Variants in SAFB observed in about 807,000 individuals in gnomAD.
SAFB encodes the protein scaffold attachment factor B, also known as scaffold attachment factor B1.
In SAFB, 15 loss-of-function variants were observed where a neutral mutation model predicts 101.6. The ratio of observed to expected loss-of-function variants is 0.15; its 90% confidence interval spans 0.10 to 0.23. The LOEUF is 0.23. Ranked by LOEUF, SAFB falls within the 10% of genes least tolerant of loss-of-function variation. The pLI is 1.00. For missense variants in SAFB, 930 were observed against 1,104.1 expected, an observed-to-expected ratio of 0.84 and a Z score of 2.23; for synonymous variants, 449 against 407.5, an observed-to-expected ratio of 1.10 and a Z score of -1.23.
chr19:5,654,587 C>G (rs1366643676), intron 13 of SAFB, 131 bp downstream of exon 13: 2 of 696,824 alleles, frequency 2.9e-6, no homozygotes, highest in African/African-American at 1.8e-5. Flanking sequence ...GTAGAAATCT[C>G]AAACTATTTT....
chr19:5,629,933 T>G (rs2053452853), intron 2 of SAFB, among the ~76,000 whole-genome samples: 1 of 152,090 alleles, frequency 6.6e-6, no homozygotes, highest in Non-Finnish European at 1.5e-5. Context: ...TCCAAGCTAC[T>G]CAGGTGGCTA....
chr19:5,640,358 C>CTTTTTT (rs34358887), intron 2 of SAFB, among the ~76,000 whole-genome samples: 7 of 91,538 alleles, frequency 7.6e-5, no homozygotes, highest in Admixed American at 2.4e-4. Flanking sequence ...GAAAGATTGG[C>CTTTTTT]TTTTTTTTTT....
At chr19:5,655,478 A>C (rs2054037281) in intron 13 of SAFB, among the ~76,000 whole-genome samples, 1 of 151,558 alleles carries the variant, frequency 6.6e-6, no homozygotes, top group Non-Finnish European at 1.5e-5. Flanking sequence ...AAAAAAAAAA[A>C]AACACACACC....
rs761831306 is a variant in SAFB at position 5,641,776 on chromosome 19, A to G, written c.376A>G (p.Ile126Val). 1.9e-6 allele frequency: 3 copies of G among 1,614,160 alleles called. No individual in the cohort carries two copies. The highest frequency in any genetic ancestry group is 1.7e-5 in the Admixed American group (1 of 60,020). ...VETSLENLQD[I>V]DIMDISVLDE... The stretch of plus-strand genomic sequence containing the variant: ...GACCAGTCTGGAGAACTTGCAGGAC[A>G]TCGACATCATGGATATCAGTGTGTT... Residue 126 changes from isoleucine (I) to valine (V), a missense_variant, in exon 4 of 21, where the codon ATC becomes GTC. Transcript: ENST00000588852.
rs368773036 is a variant in SAFB, at chr19:5,637,716, T to C, written c.275-3878T>C. ...ACTGGGAAAGAGGCCTGGCAGGAAG[T>C]AGTTTTCCCAAAGTTGTGTGTTTGA... On this transcript the variant is annotated intron_variant, in intron 2 of 20. Coordinates refer to ENST00000588852, the MANE Select transcript of SAFB (RefSeq NM_001201338.2). Among the ~76,000 whole-genome samples, 4 of 152,156 alleles carry C rather than the reference T, an allele frequency of 2.6e-5. No individual in the cohort carries two copies. In the East Asian group the frequency reaches 5.8e-4, roughly 22 times the overall value.
chr19:5,628,549 C>T (rs567190206), intron 2 of SAFB, among the ~76,000 whole-genome samples: 2 of 152,250 alleles, frequency 1.3e-5, no homozygotes, highest in East Asian at 1.9e-4. Flanking sequence ...GGCAATATGT[C>T]AGTGCTCAGA....
chr19:5,632,207 G>T (rs916937611), intron 2 of SAFB, among the ~76,000 whole-genome samples: 7 of 152,126 alleles, frequency 4.6e-5, no homozygotes, highest in African/African-American at 1.7e-4. Context: ...CTTTGCTGCT[G>T]GCTTGTTTTG....
At chr19:5,648,137 C>G in intron 6 of SAFB, 94 bp downstream of exon 6, 1 of 1,067,712 alleles carries the variant, frequency 9.4e-7, no homozygotes, top group Admixed American at 2.1e-5. Flanking sequence ...TAAAAGTTAC[C>G]TTACTATAGT....
chr19:5,651,600 A>T (rs1359245614), intron 9 of SAFB, among the ~76,000 whole-genome samples: 1 of 152,118 alleles, frequency 6.6e-6, no homozygotes, highest in African/African-American at 2.4e-5. Flanking sequence ...TCTTGTCTGC[A>T]GCACCTGCCT....
Position 5,647,712 on chromosome 19 carries a change from A to T in SAFB, c.610-304A>T, listed in dbSNP as rs78933820. 9.9e-3 allele frequency among the ~76,000 whole-genome samples: 1,504 copies of T among 152,288 alleles called. 22 individuals are homozygous for T. Among genetic ancestry groups the T allele is most frequent in the African/African-American group, 0.035 (1,440 of 41,554 alleles). ...ATGCTAACAGTAGAAAAATGAAAACACTGCTCTCCTTGAATTTGAGAGTTC... is the reference window on the plus strand; with the variant it reads ...ATGCTAACAGTAGAAAAATGAAAACTCTGCTCTCCTTGAATTTGAGAGTTC... On this transcript the variant is annotated intron_variant, in intron 5 of 20. Coordinates refer to ENST00000588852, the MANE Select transcript of SAFB (RefSeq NM_001201338.2).
At chr19:5,648,811 G>A (rs1474833544) in intron 6 of SAFB, 178 bp from the exon 7 acceptor site, 12 of 632,092 alleles carry the variant, frequency 1.9e-5, no homozygotes, top group South Asian at 5.1e-5. Flanking sequence ...ACCTAGAGGC[G>A]GTCGCGGCGC....
At chr19:5,637,462 C>T (rs1172931892) in intron 2 of SAFB, among the ~76,000 whole-genome samples, 3 of 151,878 alleles carry the variant, frequency 2.0e-5, no homozygotes, top group African/African-American at 7.3e-5. Flanking sequence ...TCAAGACCAG[C>T]CTGGGCAACA....
rs757171827 is a variant in SAFB at position 5,641,594 on chromosome 19, G to A, written c.275G>A (p.Gly92Glu). 2 of 1,613,574 alleles carry A rather than the reference G, an allele frequency of 1.2e-6. No homozygotes were observed. The highest frequency in any genetic ancestry group is 3.3e-5 in the Admixed American group (2 of 59,920). Reference protein sequence around the residue: ...NKKTSKRSSKGRKPEEEGVED... With the variant: ...NKKTSKRSSKERKPEEEGVED... ...ATGCTGTAAATGATTCTGTCTTCAG[G>A]GCGCAAACCAGAAGAAGAGGGTGTG... The change falls in exon 3 of 21, where the codon GGG (glycine) becomes GAG (glutamate). Residue 92 changes from glycine to glutamate, a missense_variant and splice_region_variant. By Grantham distance (98) the Gly-to-Glu change is moderately conservative. This residue lies in a region of SAFB where 119 missense variants were observed against 171.4 expected (regional missense o/e 0.69). Transcript: ENST00000588852.
chr19:5,645,349 G>A lies in SAFB; in HGVS notation c.559G>A (p.Glu187Lys). The change falls in exon 5 of 21, where the codon GAA becomes AAA. Residue 187 changes from glutamate to lysine, a missense_variant. Glu to Lys is a moderately conservative substitution (Grantham distance 56). Transcript: ENST00000588852. The part of the protein sequence containing the change: ...QLQEHAIEDK[E>K]TINNLDTSSS... ...ATTTATTTTACAGATAGAGGACAAA[G>A]AAACTATAAACAATTTAGATACTTC... 1 of 1,310,298 alleles carries A rather than the reference G, an allele frequency of 7.6e-7. No individual in the cohort carries two copies. The highest frequency in any genetic ancestry group is 1.7e-5 in the Admixed American group (1 of 59,228). 81.2% of individuals were successfully genotyped at this position (1,310,298 alleles called of 1,614,324 possible). A position where few individuals can be genotyped will look rare whatever the true frequency, so the allele number is the denominator to read the frequency against.
chr19:5,630,143 C>CT (rs1332609912), intron 2 of SAFB, among the ~76,000 whole-genome samples: 6 of 152,200 alleles, frequency 3.9e-5, no homozygotes, highest in Admixed American at 1.3e-4. Context: ...CCTTGTTTGC[C>CT]TGTTACCTTG....
At chr19:5,653,294 G>GCC (rs774530521) in intron 10 of SAFB, 30 bp downstream of exon 10, 90 of 1,613,916 alleles carry the variant, frequency 5.6e-5, no homozygotes, top group Admixed American at 1.0e-4. Flanking sequence ...CCAGGATATA[G>GCC]CCCACATTAG....
At chr19:5,662,395 G>C (rs1938762179) in intron 15 of SAFB, among the ~76,000 whole-genome samples, 1 of 151,806 alleles carries the variant, frequency 6.6e-6, no homozygotes, top group Non-Finnish European at 1.5e-5. Context: ...TGGGGAGGTT[G>C]AGGCAGGAAA....
Position 5,667,192 on chromosome 19 carries a change from G to A in SAFB, c.2453+28G>A, listed in dbSNP as rs2054348454. On this transcript the variant is annotated intron_variant, in intron 18 of 20. Coordinates refer to ENST00000588852, the MANE Select transcript of SAFB (RefSeq NM_001201338.2). The surrounding 1 kb of genome is among the most constrained non-coding windows in gnomAD (Gnocchi z 4.0). ...TTGTGTCCCACACCCGACAGTACCT[G>A]ACCCCCCCCCCGCCCACAAGGGGGC... 1.5e-6 allele frequency: 2 copies of A among 1,358,316 alleles called. No homozygotes were observed. The highest frequency in any genetic ancestry group is 2.0e-6 in the Non-Finnish European group (2 of 976,828). The allele number at this position is 1,358,316 out of a possible 1,614,324, so 84.1% of individuals were successfully genotyped here.
At chr19:5,653,076 G>C (rs1348556795) in intron 9 of SAFB, 39 bp from the exon 10 acceptor site, 3 of 1,611,050 alleles carry the variant, frequency 1.9e-6, no homozygotes, top group Non-Finnish European at 1.7e-6. Context: ...CGCTCAGTGG[G>C]CTTCATGTCT....
Sources: allele counts gnomAD v4.1 joint callset (sites outside exome capture counted in the v4.1 genomes callset), GRCh38; gene constraint gnomAD v4.1.1; regional missense constraint gnomAD v4.1.1; non-coding constraint Gnocchi (gnomAD v3.1); transcripts MANE v1.5; gene names NCBI Gene and HGNC (gene_info 2026-07-23, HGNC 2026-07-21).